Variants in NPEPPS observed in about 807,000 individuals in gnomAD.
NPEPPS encodes the protein aminopeptidase puromycin sensitive.
NPEPPS carries 14 observed loss-of-function variants against 115.5 expected under a neutral mutation model. The ratio of observed to expected loss-of-function variants is 0.12; its 90% CI spans 0.08 to 0.19. The LOEUF (loss-of-function observed/expected upper bound fraction) is 0.19, where lower values mean the gene tolerates loss of function less well. NPEPPS is among the 10% of genes least tolerant of loss of function. The pLI is 1.00. For synonymous variants in NPEPPS, 285 were observed against 390.6 expected, an observed-to-expected ratio of 0.73 and a Z score of 3.19; for missense variants, 523 against 1,110.8, an observed-to-expected ratio of 0.47 and a Z score of 7.52.
At chr17:47,555,344 GT>G (rs1252870297) in intron 2 of NPEPPS, among the ~76,000 whole-genome samples, 2 of 124,082 alleles carry the variant, frequency 1.6e-5, no homozygotes, top group Non-Finnish European at 3.4e-5. Flanking sequence ...AGTGTATGCT[GT>G]TCTTTTTTTT....
intron 1 of NPEPPS, among the ~76,000 whole-genome samples, chr17:47,536,579 G>C (rs1410789348): frequency 6.6e-6 from 1 of 151,550 alleles, no homozygotes; most frequent in Non-Finnish European, 1.5e-5. Flanking sequence ...GTTTTTAGTA[G>C]AGACGGGGTT....
At position 47,554,597 on chromosome 17, in the gene NPEPPS, C is replaced by T. The variant is rs1337029019; in HGVS notation, c.340+8604C>T. ...TTGGTCTTGAACTCCTGGCTTCAAG[C>T]GATCCTCCTGCCTCAGCCTCCCAAA... On this transcript the variant is annotated intron_variant, in intron 2 of 22. Transcript: ENST00000322157. Among the ~76,000 whole-genome samples the T allele has an allele frequency of 5.9e-5, 9 of 151,580 alleles. 1 individual carries two copies. In the South Asian group the frequency reaches 1.3e-3, roughly 21 times the overall value.
intron 1 of NPEPPS, among the ~76,000 whole-genome samples, chr17:47,523,472 G>C (rs1197851183): frequency 6.6e-6 from 1 of 151,338 alleles, no homozygotes; most frequent in African/African-American, 2.4e-5. Flanking sequence ...CCAGGCTGGA[G>C]TGCAATGGCG....
chr17:47,596,857 G>T (rs534780165), intron 13 of NPEPPS, among the ~76,000 whole-genome samples: 2 of 152,130 alleles, frequency 1.3e-5, no homozygotes, highest in African/African-American at 4.8e-5. Flanking sequence ...AGGCCAGCCC[G>T]GCCAATGTAG....
intron 3 of NPEPPS, among the ~76,000 whole-genome samples, chr17:47,573,467 A>G (rs1224331908): frequency 6.6e-6 from 1 of 152,262 alleles, no homozygotes; most frequent in Non-Finnish European, 1.5e-5. Context: ...TTGCAAGGTC[A>G]TAGAAAATTT....
intron 2 of NPEPPS, among the ~76,000 whole-genome samples, chr17:47,547,822 C>T (rs929374954): frequency 2.0e-5 from 3 of 152,042 alleles, no homozygotes; most frequent in South Asian, 4.1e-4. Flanking sequence ...GTCAGGAGAT[C>T]GAGACCATCC....
chr17:47,590,930 T>C (rs1386620849), intron 10 of NPEPPS, 49 bp downstream of exon 10: 5 of 1,478,948 alleles, frequency 3.4e-6, no homozygotes, highest in Admixed American at 4.5e-5. Flanking sequence ...TCATTTACAA[T>C]GAAATACGTA....
At chr17:47,553,629 T>C (rs1209665198) in intron 2 of NPEPPS, among the ~76,000 whole-genome samples, 1 of 152,130 alleles carries the variant, frequency 6.6e-6, no homozygotes, top group Non-Finnish European at 1.5e-5. Flanking sequence ...TCCCTATACA[T>C]ATGTACTATG....
At chr17:47,563,262 C>T (rs1191420435) in intron 2 of NPEPPS, among the ~76,000 whole-genome samples, 1 of 152,028 alleles carries the variant, frequency 6.6e-6, no homozygotes, top group Admixed American at 6.6e-5. Context: ...AGACTCCTGA[C>T]CTCAGGTGAT....
chr17:47,607,458 G>A (rs1436745901), intron 17 of NPEPPS, among the ~76,000 whole-genome samples: 1 of 152,164 alleles, frequency 6.6e-6, no homozygotes, highest in Non-Finnish European at 1.5e-5. Context: ...AGAGGGCAAT[G>A]GGAGACCTTT....
intron 16 of NPEPPS, among the ~76,000 whole-genome samples, chr17:47,604,511 A>G (rs1913404179): frequency 6.6e-6 from 1 of 152,252 alleles, no homozygotes; most frequent in Admixed American, 6.5e-5. Context: ...TCCAGAAAGG[A>G]TTTAAAGCAG....
At chr17:47,593,730 A>G (rs1912656987) in intron 12 of NPEPPS, among the ~76,000 whole-genome samples, 1 of 152,190 alleles carries the variant, frequency 6.6e-6, no homozygotes, top group Non-Finnish European at 1.5e-5. Flanking sequence ...CATGGTATAT[A>G]CCCTGTTGCT....
At chr17:47,584,937 C>T (rs1912095220) in intron 5 of NPEPPS, among the ~76,000 whole-genome samples, 1 of 152,178 alleles carries the variant, frequency 6.6e-6, no homozygotes, top group East Asian at 1.9e-4. Context: ...ACGACATTCT[C>T]CTGCCTCAGC....
At chr17:47,565,431 G>A (rs1204872589) in intron 2 of NPEPPS, among the ~76,000 whole-genome samples, 3 of 149,814 alleles carry the variant, frequency 2.0e-5, no homozygotes, top group Non-Finnish European at 3.0e-5. Flanking sequence ...GCTTGAACCC[G>A]GGAGGCGGAG....
At position 47,623,215 on chromosome 17, in the gene NPEPPS, A is replaced by G. The variant is rs1187746039; in HGVS notation, c.*1295A>G. On this transcript the variant is annotated 3_prime_UTR_variant, in exon 23 of 23. Coordinates refer to ENST00000322157, the MANE Select transcript of NPEPPS (RefSeq NM_006310.4). ...TGCTTCCTTGAAACATTTTTGTGCT[A>G]TTGTTTTAAAAAAATAATTAAAAAA... The G allele has an allele frequency of 2.3e-5, 4 of 171,554 alleles. No individual in the cohort carries two copies. Among genetic ancestry groups the G allele is most frequent in the South Asian group, 1.2e-4 (1 of 8,194 alleles). The allele number at this position is 171,554 out of a possible 1,614,324, so 10.6% of individuals were successfully genotyped here.
Position 47,587,341 on chromosome 17 carries a change from T to G in NPEPPS, c.1092T>G (p.Thr364=). The G allele has an allele frequency of 2.5e-6, 4 of 1,588,186 alleles. No homozygotes were observed. The highest frequency in any genetic ancestry group is 3.4e-6 in the Non-Finnish European group (4 of 1,170,730). Residue 364 remains threonine, a synonymous_variant, in exon 9 of 23, where the codon ACT becomes ACG. Transcript: ENST00000322157. ...LAHQWFGNLV[T]MEWWTHLWLN... The stretch of plus-strand genomic sequence containing the variant: ...ATCAATGGTTTGGAAATCTTGTTAC[T>G]ATGGTATTTAATATTTTTAAGTGCT...
chr17:47,550,107 G>T (rs1312235037), intron 2 of NPEPPS, among the ~76,000 whole-genome samples: 1 of 151,518 alleles, frequency 6.6e-6, no homozygotes, highest in Non-Finnish European at 1.5e-5. Context: ...GCTAATTTTT[G>T]TATTTTTAGT....
At chr17:47,567,480 C>A (rs2644370) in intron 2 of NPEPPS, among the ~76,000 whole-genome samples, 1 of 152,178 alleles carries the variant, frequency 6.6e-6, no homozygotes, top group African/African-American at 2.4e-5. Flanking sequence ...GGTACTCATG[C>A]CCACCTCTCC....
chr17:47,535,669 C>T (rs1412532346), intron 1 of NPEPPS, among the ~76,000 whole-genome samples: 1 of 150,946 alleles, frequency 6.6e-6, no homozygotes, highest in African/African-American at 2.4e-5. Context: ...TCCCTGTCCC[C>T]TCCCTTTACA....
Sources: allele counts gnomAD v4.1 joint callset (sites outside exome capture counted in the v4.1 genomes callset), GRCh38; gene constraint gnomAD v4.1.1; transcripts MANE v1.5; gene names NCBI Gene and HGNC (gene_info 2026-07-23, HGNC 2026-07-21).